Variants in CEP112 observed in about 807,000 individuals in gnomAD.
The protein encoded by CEP112 is centrosomal protein 112, also known as centrosomal protein of 112 kDa.
In CEP112, 127 loss-of-function variants were observed where a neutral mutation model predicts 153.0. The ratio of observed to expected loss-of-function variants is 0.83; its 90% confidence interval spans 0.72 to 0.96. The LOEUF (loss-of-function observed/expected upper bound fraction) is 0.96, where lower values mean the gene tolerates loss of function less well. Among genes scored for constraint, CEP112 ranks in the 40% least tolerant of loss-of-function variants. The probability of loss-of-function intolerance (pLI) is 0.00; values close to 1 mark genes in which losing one functional copy is unlikely to be tolerated. For missense variants in CEP112, 1,089 were observed against 1,101.2 expected (o/e 0.99, Z 0.16); for synonymous variants, 358 against 374.4 (o/e 0.96, Z 0.51).
At chr17:66,077,907 T>A (rs572208661) in intron 8 of CEP112, among the ~76,000 whole-genome samples, 2 of 152,314 alleles carry the variant, frequency 1.3e-5, no homozygotes, top group African/African-American at 4.8e-5. Flanking sequence ...CAACCATTTA[T>A]CTTTGTTTTT....
In CEP112 at chr17:65,791,605, A is replaced by G. The variant is rs145031181; in HGVS notation, c.2395-40881T>C. Among the ~76,000 whole-genome samples, 435 of 152,316 alleles carry G rather than the reference A, an allele frequency of 2.9e-3. 5 individuals are homozygous for G. The highest frequency in any genetic ancestry group is 5.4e-3 in the Admixed American group (82 of 15,292). The stretch of plus-strand genomic sequence containing the variant: ...AGAACCCAACCAGTTGAGATTATCT[A>G]TTCTAAATAAATGAATATCATCAAC... On this transcript the variant is annotated intron_variant, in intron 21 of 26. Coordinates refer to ENST00000535342, the MANE Select transcript of CEP112 (RefSeq NM_001199165.4).
At chr17:65,902,059 C>G in intron 20 of CEP112, 93 bp downstream of exon 20, 1 of 484,772 alleles carries the variant, frequency 2.1e-6, no homozygotes, top group Non-Finnish European at 3.0e-6. Flanking sequence ...AATGATCAAA[C>G]AGCGTGCATC....
At position 65,976,385 on chromosome 17, in the gene CEP112, C is replaced by T. The variant is rs963788167; in HGVS notation, c.1737-14787G>A. On this transcript the variant is annotated intron_variant, in intron 17 of 26. Coordinates refer to ENST00000535342, the MANE Select transcript of CEP112 (RefSeq NM_001199165.4). Reference sequence around the variant, plus strand: ...TGTCTCCCAAATCAAAAACGTTACCCTTTTTTTTAGGTTCTACACAAATTT... The same window carrying T: ...TGTCTCCCAAATCAAAAACGTTACCTTTTTTTTTAGGTTCTACACAAATTT... 3.5e-4 allele frequency among the ~76,000 whole-genome samples: 53 copies of T among 151,866 alleles called. 1 individual carries two copies. Among genetic ancestry groups the T allele is most frequent in the Non-Finnish European group, 7.7e-4 (52 of 67,968 alleles).
intron 21 of CEP112, among the ~76,000 whole-genome samples, chr17:65,779,610 C>CCATATTT (rs2053888594): frequency 1.3e-5 from 2 of 152,242 alleles, no homozygotes; most frequent in African/African-American, 4.8e-5. Context: ...CTGCAAATGT[C>CCATATTT]ACTGATCCAT....
chr17:65,839,970 G>T (rs1008248181), intron 21 of CEP112, among the ~76,000 whole-genome samples: 1 of 151,798 alleles, frequency 6.6e-6, no homozygotes, highest in South Asian at 2.1e-4. Flanking sequence ...AGTAGTAAAA[G>T]TTTCTACACT....
At chr17:65,955,060 C>T (rs1229835938) in intron 18 of CEP112, among the ~76,000 whole-genome samples, 1 of 152,160 alleles carries the variant, frequency 6.6e-6, no homozygotes, top group East Asian at 1.9e-4. Flanking sequence ...GGCACATAGT[C>T]ATCACGTTAT....
intron 24 of CEP112, among the ~76,000 whole-genome samples, chr17:65,680,501 T>A (rs2047465069): frequency 6.6e-6 from 1 of 152,000 alleles, no homozygotes; most frequent in Admixed American, 6.6e-5. Flanking sequence ...CCTCTTTCCA[T>A]CCCGTCCTTC....
At chr17:66,141,251 T>C (rs1044718288) in intron 4 of CEP112, among the ~76,000 whole-genome samples, 4 of 151,948 alleles carry the variant, frequency 2.6e-5, no homozygotes, top group African/African-American at 9.7e-5. Context: ...GTTTCCATTG[T>C]GATTTTCAGA....
At chr17:65,738,576 T>C (rs1172534255) in intron 23 of CEP112, among the ~76,000 whole-genome samples, 1 of 152,226 alleles carries the variant, frequency 6.6e-6, no homozygotes, top group African/African-American at 2.4e-5. Flanking sequence ...CTTAATTCTA[T>C]GGTGGTTATT....
chr17:65,799,209 C>T (rs1392670143), intron 21 of CEP112, among the ~76,000 whole-genome samples: 1 of 152,192 alleles, frequency 6.6e-6, no homozygotes, highest in East Asian at 1.9e-4. Flanking sequence ...TATTTTCTTT[C>T]CCCTCCAATT....
chr17:65,721,004 T>A (rs1359087625), intron 23 of CEP112, among the ~76,000 whole-genome samples: 4 of 140,834 alleles, frequency 2.8e-5, no homozygotes, highest in African/African-American at 1.1e-4. Context: ...TCTCTCTCTC[T>A]CTCTCTTTTT....
chr17:65,671,894 A>G (rs1055404873), intron 24 of CEP112, among the ~76,000 whole-genome samples: 4 of 152,234 alleles, frequency 2.6e-5, no homozygotes, highest in African/African-American at 9.6e-5. Context: ...GAAAAAAACA[A>G]GGACACATAC....
chr17:66,112,408 CATATAAA>C (rs1267018459), intron 6 of CEP112, among the ~76,000 whole-genome samples: 4 of 151,520 alleles, frequency 2.6e-5, no homozygotes, highest in Non-Finnish European at 5.9e-5. Flanking sequence ...GGCTCATAAA[CATATAAA>C]ATATGGTCAA....
rs183562219 is a variant in CEP112, at chr17:65,787,256, G to A, written c.2395-36532C>T. ...GCACTTTGGGAAGCCGAGGTGGGAG[G>A]ACTGCGTGAAGCCAGGAGTTCAAGG... On this transcript the variant is annotated intron_variant, in intron 21 of 26. Coordinates refer to ENST00000535342, the MANE Select transcript of CEP112 (RefSeq NM_001199165.4). Among the ~76,000 whole-genome samples the A allele has an allele frequency of 2.6e-5, 4 of 152,308 alleles. No individual in the cohort carries two copies. In the East Asian group the frequency reaches 5.8e-4, roughly 22 times the overall value.
chr17:65,783,723 T>C (rs796858139), intron 21 of CEP112, among the ~76,000 whole-genome samples: 2 of 152,340 alleles, frequency 1.3e-5, no homozygotes, highest in African/African-American at 4.8e-5. Flanking sequence ...ACAAAACATG[T>C]CTTATTTCCC....
intron 9 of CEP112, among the ~76,000 whole-genome samples, chr17:66,068,317 T>C (rs955564986): frequency 7.9e-5 from 12 of 152,078 alleles, no homozygotes; most frequent in African/African-American, 2.7e-4. Context: ...AGCACATGCA[T>C]ATAGTCAGCT....
chr17:65,991,338 C>T (rs1041792125), intron 17 of CEP112, among the ~76,000 whole-genome samples: 1 of 151,926 alleles, frequency 6.6e-6, no homozygotes, highest in South Asian at 2.1e-4. Context: ...TGAGAGGTAA[C>T]GTTATACTCA....
rs537378045 is a variant in CEP112 at position 65,685,775 on chromosome 17, C to T, written c.2697+3354G>A. Reference sequence around the variant, plus strand: ...GCAACCTCCACCTCCCAGGTTCAAGCGATTCTCCTGCCTCAGCCTCCCAAG... The same window carrying T: ...GCAACCTCCACCTCCCAGGTTCAAGTGATTCTCCTGCCTCAGCCTCCCAAG... On this transcript the variant is annotated intron_variant, in intron 24 of 26. Transcript: ENST00000535342. Among the ~76,000 whole-genome samples, 19 of 148,740 alleles carry T rather than the reference C, an allele frequency of 1.3e-4. 2 individuals carry two copies. The highest frequency in any genetic ancestry group is 4.7e-4 in the African/African-American group (19 of 40,160).
At chr17:65,793,144 G>A (rs2054696922) in intron 21 of CEP112, among the ~76,000 whole-genome samples, 1 of 152,182 alleles carries the variant, frequency 6.6e-6, no homozygotes, top group Non-Finnish European at 1.5e-5. Flanking sequence ...CCCAGAGTAA[G>A]AGAGTGGAGG....
Sources: gnomAD v4.1 joint callset for allele counts (sites outside exome capture counted in the v4.1 genomes callset) on GRCh38, gnomAD v4.1.1 for gene constraint, MANE v1.5 for transcripts, NCBI Gene and HGNC (gene_info 2026-07-23, HGNC 2026-07-21) for gene names.